C12orf56: variants seen among roughly 807,000 people sequenced by gnomAD.
The protein encoded by C12orf56 is uncharacterized protein C12orf56.
C12orf56 carries 71 observed loss-of-function variants against 69.9 expected under a neutral mutation model. The observed-to-expected ratio is 1.02, with a 90% confidence interval of 0.84 to 1.24. The LOEUF (loss-of-function observed/expected upper bound fraction) is 1.24, where lower values mean the gene tolerates loss of function less well. C12orf56 is among the 50% of genes most tolerant of loss of function. The pLI, the probability that C12orf56 is intolerant of heterozygous loss-of-function variation, is 0.00. For missense variants in C12orf56, 732 were observed against 738.5 expected, an observed-to-expected ratio of 0.99 and a Z score of 0.10; for synonymous variants, 276 against 274.1, an observed-to-expected ratio of 1.01 and a Z score of -0.07.
chr12:64,306,161 A>G (rs974407135), intron 5 of C12orf56, among the ~76,000 whole-genome samples: 5 of 152,204 alleles, frequency 3.3e-5, no homozygotes, highest in African/African-American at 1.2e-4. Flanking sequence ...TATACATCAT[A>G]AATTCAAGTT....
chr12:64,367,545 G>A (rs550628036), intron 1 of C12orf56, among the ~76,000 whole-genome samples: 74 of 148,600 alleles, frequency 5.0e-4, no homozygotes, highest in African/African-American at 1.5e-3. Context: ...TTGCTCTGTC[G>A]CCCAGGCTAG....
intron 1 of C12orf56, among the ~76,000 whole-genome samples, chr12:64,367,238 T>C (rs186206592): frequency 0.031 from 2,052 of 65,894 alleles, 238 homozygotes; most frequent in East Asian, 0.065. Context: ...TTATATGTAA[T>C]ATACAGTTTA....
At chr12:64,307,009 A>T (rs751911456) in intron 5 of C12orf56, among the ~76,000 whole-genome samples, 59 of 152,296 alleles carry the variant, frequency 3.9e-4, no homozygotes, top group Non-Finnish European at 8.1e-4. Context: ...ACTTAGTAAT[A>T]AATATGATTT....
At chr12:64,362,289 T>G (rs895809520) in intron 1 of C12orf56, among the ~76,000 whole-genome samples, 5 of 152,136 alleles carry the variant, frequency 3.3e-5, no homozygotes, top group Non-Finnish European at 7.4e-5. Flanking sequence ...TGGAAGGAAC[T>G]GTTACCGGAA....
chr12:64,277,009 A>AAAAAC (rs2038060082), intron 9 of C12orf56, among the ~76,000 whole-genome samples: 2 of 149,596 alleles, frequency 1.3e-5, no homozygotes, highest in Non-Finnish European at 3.0e-5. Context: ...AAAAAAAAAA[A>AAAAAC]AAAAAAATTA....
intron 1 of C12orf56, among the ~76,000 whole-genome samples, chr12:64,358,323 T>G (rs1315146547): frequency 6.6e-6 from 1 of 151,462 alleles, no homozygotes; most frequent in East Asian, 1.9e-4. Flanking sequence ...CCAGGCGTGA[T>G]GGCATGCGCC....
intron 3 of C12orf56, among the ~76,000 whole-genome samples, chr12:64,328,932 G>A (rs1160830604): frequency 6.6e-6 from 1 of 151,162 alleles, no homozygotes; most frequent in African/African-American, 2.4e-5. Flanking sequence ...AGGCGTGGTG[G>A]TGGGCACCTG....
rs2037922443 is a variant in C12orf56, at chr12:64,266,657, C to T, written c.*526G>A. The T allele has an allele frequency of 1.1e-6, 1 of 883,698 alleles. No individual in the cohort carries two copies. The highest frequency in any genetic ancestry group is 1.5e-6 in the Non-Finnish European group (1 of 651,400). The allele number at this position is 883,698 out of a possible 1,614,324, so 54.7% of individuals were successfully genotyped here. On this transcript the variant is annotated 3_prime_UTR_variant, in exon 13 of 13. Transcript: ENST00000543942. ...ATCGGGTGAAGAGCATGCTCCTGTG[C>T]CTGGCATGGTTTCACCGAGAACACT...
intron 1 of C12orf56, among the ~76,000 whole-genome samples, chr12:64,374,982 G>A (rs951332135): frequency 1.3e-5 from 2 of 152,072 alleles, no homozygotes; most frequent in African/African-American, 2.4e-5. Context: ...AATAAATGTG[G>A]TTATGTTATA....
At chr12:64,319,116 C>T in intron 3 of C12orf56, 136 bp from the exon 4 acceptor site, 2 of 812,966 alleles carry the variant, frequency 2.5e-6, no homozygotes, top group Non-Finnish European at 3.6e-6. Flanking sequence ...AGTCATTGAA[C>T]CTCGCTGGTA....
At chr12:64,340,438 A>G (rs893398036) in intron 2 of C12orf56, among the ~76,000 whole-genome samples, 2 of 152,164 alleles carry the variant, frequency 1.3e-5, no homozygotes, top group Non-Finnish European at 2.9e-5. Flanking sequence ...ACTTAAACCC[A>G]TATACATCCC....
intron 1 of C12orf56, among the ~76,000 whole-genome samples, chr12:64,359,009 T>C (rs1213691760): frequency 1.3e-5 from 2 of 152,192 alleles, no homozygotes; most frequent in Non-Finnish European, 2.9e-5. Flanking sequence ...CAGATTATTT[T>C]AAGCTGAAGG....
chr12:64,338,194 GC>G (rs1000145069), intron 2 of C12orf56: 56 of 583,144 alleles, frequency 9.6e-5, no homozygotes, highest in Non-Finnish European at 1.3e-4. Context: ...CTTCCTGTTG[GC>G]ATTTGCCCTG....
intron 1 of C12orf56, among the ~76,000 whole-genome samples, chr12:64,388,466 C>A (rs572772271): frequency 1.5e-4 from 23 of 152,266 alleles, no homozygotes; most frequent in African/African-American, 5.1e-4. Flanking sequence ...AAGTCTCCAA[C>A]TCCTAGGCTC....
At chr12:64,320,186 C>A (rs2038753307) in intron 3 of C12orf56, among the ~76,000 whole-genome samples, 2 of 152,204 alleles carry the variant, frequency 1.3e-5, no homozygotes, top group Admixed American at 1.3e-4. Flanking sequence ...CCCACGGCTT[C>A]TAATAGAGCT....
intron 3 of C12orf56, among the ~76,000 whole-genome samples, chr12:64,320,732 G>T (rs1263488586): frequency 6.6e-6 from 1 of 152,104 alleles, no homozygotes; most frequent in Non-Finnish European, 1.5e-5. Flanking sequence ...TTGATGAGAG[G>T]CCATTGTTTT....
At chr12:64,274,331 A>C (rs940523493) in intron 11 of C12orf56, among the ~76,000 whole-genome samples, 1 of 152,228 alleles carries the variant, frequency 6.6e-6, no homozygotes, top group Non-Finnish European at 1.5e-5. Flanking sequence ...CGGCCATAGC[A>C]CGCAGGGCCC....
rs996798643 is a variant in C12orf56, at chr12:64,277,719, C to T, written c.1395G>A (p.Val465=). Residue 465 remains valine, a synonymous_variant, in exon 9 of 13, where the codon GTG becomes GTA. Transcript: ENST00000543942. ...KSCPVFDIQL[V]ADSALVRMSF... is the part of the protein sequence containing the mutation. ...ACATTCTGACTAAAGCTGAATCAGCCACCAACTGGATATCAAACACAGGAC... is the reference window on the plus strand; with the variant it reads ...ACATTCTGACTAAAGCTGAATCAGCTACCAACTGGATATCAAACACAGGAC... The T allele has an allele frequency of 2.5e-6, 4 of 1,599,118 alleles. No homozygotes were observed. Among genetic ancestry groups the T allele is most frequent in the Middle Eastern group, 1.7e-4 (1 of 6,020 alleles).
intron 1 of C12orf56, among the ~76,000 whole-genome samples, chr12:64,361,775 C>T (rs1214244259): frequency 6.6e-6 from 1 of 151,906 alleles, no homozygotes; most frequent in Non-Finnish European, 1.5e-5. Context: ...TCTTGTTGCC[C>T]AGGCTGGAGT....
Sources: allele counts gnomAD v4.1 joint callset (sites outside exome capture counted in the v4.1 genomes callset), GRCh38; gene constraint gnomAD v4.1.1; transcripts MANE v1.5; gene names NCBI Gene and HGNC (gene_info 2026-07-23, HGNC 2026-07-21).